CCSER2: variants seen among roughly 807,000 people sequenced by gnomAD.
CCSER2 encodes the protein coiled-coil serine rich protein 2, also known as serine-rich coiled-coil domain-containing protein 2.
A neutral mutation model predicts 92.3 loss-of-function variants in CCSER2; 46 were observed. That is an observed-to-expected ratio of 0.50 (90% CI 0.39 to 0.64). CCSER2 has a LOEUF of 0.64. Ranked by LOEUF, CCSER2 falls within the 30% of genes least tolerant of loss-of-function variation. CCSER2 has a pLI of 0.00. For synonymous variants in CCSER2, 433 were observed against 431.4 expected (o/e 1.00, Z -0.04); for missense variants, 1,244 against 1,238.9 (o/e 1.00, Z -0.06).
intron 9 of CCSER2, among the ~76,000 whole-genome samples, chr10:84,500,357 G>A (rs12774137): frequency 0.21 from 31,504 of 152,086 alleles, 3,542 homozygotes; most frequent in Admixed American, 0.34. Flanking sequence ...CATAATGTGT[G>A]GGGAGCAGGC....
chr10:84,347,294 C>A (rs983254619), intron 1 of CCSER2, among the ~76,000 whole-genome samples: 4 of 152,324 alleles, frequency 2.6e-5, no homozygotes, highest in Admixed American at 2.6e-4. Flanking sequence ...CTGTTGGGTA[C>A]ACCTCCTAGA....
At chr10:84,470,296 G>A in intron 7 of CCSER2, 76 bp from the exon 8 acceptor site, 2 of 839,350 alleles carry the variant, frequency 2.4e-6, no homozygotes, top group Non-Finnish European at 3.2e-6. Flanking sequence ...GTTCATTACT[G>A]TGTCTTCATC....
At chr10:84,374,266 G>A (rs1038439022) in intron 3 of CCSER2, among the ~76,000 whole-genome samples, 1 of 152,130 alleles carries the variant, frequency 6.6e-6, no homozygotes, top group African/African-American at 2.4e-5. Context: ...TGCTGCTGTT[G>A]AGAAACCTTG....
At chr10:84,418,215 A>G (rs1842971797) in intron 4 of CCSER2, among the ~76,000 whole-genome samples, 1 of 152,184 alleles carries the variant, frequency 6.6e-6, no homozygotes, top group Non-Finnish European at 1.5e-5. Context: ...TACTTGTGAA[A>G]CACTATAATA....
At chr10:84,495,823 T>C (rs1167781852) in intron 9 of CCSER2, among the ~76,000 whole-genome samples, 3 of 150,168 alleles carry the variant, frequency 2.0e-5, no homozygotes, top group African/African-American at 7.3e-5. Flanking sequence ...TATTTTAAAA[T>C]ATATATATTT....
At chr10:84,394,161 A>T (rs1020827858) in intron 3 of CCSER2, among the ~76,000 whole-genome samples, 4 of 152,178 alleles carry the variant, frequency 2.6e-5, no homozygotes, top group Admixed American at 1.3e-4. Flanking sequence ...AATGTTTCTT[A>T]TAGATTATGT....
At chr10:84,410,674 A>G (rs1842603101) in intron 3 of CCSER2, among the ~76,000 whole-genome samples, 1 of 152,216 alleles carries the variant, frequency 6.6e-6, no homozygotes, top group Non-Finnish European at 1.5e-5. Context: ...GACCTTTGTC[A>G]GACGGATAGA....
chr10:84,441,734 A>ATTTTTTTTTTTTTTTTTTTTTTTTTTTTT lies in CCSER2; in HGVS notation c.2064+3028_2064+3029insTTTTTTTTTTTTTTTTTTTTTTTTTTTTT, dbSNP rs1564667385. Among the ~76,000 whole-genome samples, 5 of 106,410 alleles carry ATTTTTTTTTTTTTTTTTTTTTTTTTTTTT rather than the reference A, an allele frequency of 4.7e-5. 1 individual carries two copies. Among genetic ancestry groups the ATTTTTTTTTTTTTTTTTTTTTTTTTTTTT allele is most frequent in the African/African-American group, 7.9e-5 (2 of 25,376 alleles). The allele number at this position is 106,410 out of a possible 152,430, so 69.8% of individuals were successfully genotyped here. On this transcript the variant is annotated intron_variant, in intron 6 of 9. Coordinates refer to ENST00000372088, the MANE Select transcript of CCSER2 (RefSeq NM_001284240.2). ...GGGAATAAAGTAGAAGACTGGGAAA[A>ATTTTTTTTTTTTTTTTTTTTTTTTTTTTT]TGTTTTTTTTTTTTTTTTTTTTTTT... is the stretch of plus-strand genomic sequence containing the variant.
chr10:84,457,362 T>TTAA (rs1564685390), intron 6 of CCSER2, among the ~76,000 whole-genome samples: 5 of 32,374 alleles, frequency 1.5e-4, no homozygotes, highest in Admixed American at 4.3e-4. Flanking sequence ...TATATATATT[T>TTAA]ATTTTAAATA....
At chr10:84,405,839 T>C (rs1842348813) in intron 3 of CCSER2, among the ~76,000 whole-genome samples, 1 of 152,182 alleles carries the variant, frequency 6.6e-6, no homozygotes, top group Non-Finnish European at 1.5e-5. Context: ...TCTCATTCAT[T>C]GCTGATTGAT....
chr10:84,432,414 CCT>C (rs933847635), intron 5 of CCSER2, among the ~76,000 whole-genome samples: 4 of 152,164 alleles, frequency 2.6e-5, no homozygotes, highest in African/African-American at 9.7e-5. Context: ...CTTTCCCTCC[CCT>C]GTCTAGTAGT....
intron 6 of CCSER2, among the ~76,000 whole-genome samples, chr10:84,444,570 C>G (rs1844791469): frequency 6.6e-6 from 1 of 152,000 alleles, no homozygotes; most frequent in Non-Finnish European, 1.5e-5. Context: ...CTATATGACT[C>G]CAAGGCCTGT....
At chr10:84,377,874 T>C (rs570020338) in intron 3 of CCSER2, among the ~76,000 whole-genome samples, 1 of 152,344 alleles carries the variant, frequency 6.6e-6, no homozygotes, top group South Asian at 2.1e-4. Context: ...TTATGAGTTT[T>C]TGTTGTATAT....
intron 1 of CCSER2, among the ~76,000 whole-genome samples, chr10:84,343,142 A>G (rs34526188): frequency 0.059 from 9,006 of 152,274 alleles, 376 homozygotes; most frequent in Admixed American, 0.1. Context: ...TGGTGGGATT[A>G]CAGGTGTAAG....
intron 1 of CCSER2, among the ~76,000 whole-genome samples, chr10:84,338,277 T>G (rs1589382111): frequency 8.5e-6 from 1 of 118,074 alleles, no homozygotes; most frequent in South Asian, 2.8e-4. Context: ...AGACAGAAAC[T>G]CCAAAGAAAA....
At chr10:84,458,958 A>G (rs1461845523) in intron 6 of CCSER2, among the ~76,000 whole-genome samples, 1 of 151,898 alleles carries the variant, frequency 6.6e-6, no homozygotes, top group Non-Finnish European at 1.5e-5. Flanking sequence ...TGATTTTTGT[A>G]TATTGACCTT....
At chr10:84,353,777 A>G (rs1038428699) in intron 1 of CCSER2, among the ~76,000 whole-genome samples, 1 of 152,110 alleles carries the variant, frequency 6.6e-6, no homozygotes, top group African/African-American at 2.4e-5. Context: ...CTGGAAGCCC[A>G]TGTTGATCTC....
chr10:84,382,733 T>C (rs1046919843), intron 3 of CCSER2, among the ~76,000 whole-genome samples: 14 of 152,230 alleles, frequency 9.2e-5, no homozygotes, highest in African/African-American at 3.4e-4. Flanking sequence ...AAGAAGTGTT[T>C]GAATCAGATC....
chr10:84,374,135 G>A (rs746133413), intron 3 of CCSER2: 29 of 431,968 alleles, frequency 6.7e-5, no homozygotes, highest in Non-Finnish European at 1.0e-4. Flanking sequence ...AGGTGGTTTT[G>A]GTTGTCATAT....
Sources: allele counts gnomAD v4.1 joint callset (sites outside exome capture counted in the v4.1 genomes callset), GRCh38; gene constraint gnomAD v4.1.1; transcripts MANE v1.5; gene names NCBI Gene and HGNC (gene_info 2026-07-23, HGNC 2026-07-21).